The following TBC1D2B variants were observed in gnomAD, a reference collection of about 807,000 sequenced individuals.
The protein encoded by TBC1D2B is TBC1 domain family member 2B.
Under a neutral mutation model 100.8 loss-of-function variants are expected in TBC1D2B, and 64 were observed. That is an observed-to-expected ratio of 0.64 (90% CI 0.52 to 0.78). The LOEUF (loss-of-function observed/expected upper bound fraction) is 0.78, where lower values mean the gene tolerates loss of function less well. TBC1D2B is among the 30% of genes least tolerant of loss of function. TBC1D2B has a pLI of 0.00. For synonymous variants in TBC1D2B, 480 were observed against 479.7 expected, an observed-to-expected ratio of 1.00 and a Z score of -0.01; for missense variants, 1,052 against 1,218.4, an observed-to-expected ratio of 0.86 and a Z score of 2.03.
intron 3 of TBC1D2B, among the ~76,000 whole-genome samples, chr15:78,043,451 G>A (rs960651625): frequency 6.6e-6 from 1 of 152,050 alleles, no homozygotes; most frequent in Non-Finnish European, 1.5e-5. Flanking sequence ...CCAGGCTGGA[G>A]TGCAGTGATG....
At chr15:78,000,724 A>T (rs1164573603) in intron 12 of TBC1D2B, among the ~76,000 whole-genome samples, 1 of 152,226 alleles carries the variant, frequency 6.6e-6, no homozygotes, top group Non-Finnish European at 1.5e-5. Flanking sequence ...GCTGCAGTCC[A>T]GGGGACATAC....
chr15:78,018,760 G>C (rs886520654), intron 6 of TBC1D2B, among the ~76,000 whole-genome samples: 1 of 152,116 alleles, frequency 6.6e-6, no homozygotes, highest in Non-Finnish European at 1.5e-5. Flanking sequence ...ACCAAAAAGG[G>C]GGTGAAGTGT....
At chr15:78,040,675 A>G in intron 3 of TBC1D2B, among the ~76,000 whole-genome samples, 1 of 138,054 alleles carries the variant, frequency 7.2e-6, no homozygotes, top group Non-Finnish European at 1.6e-5. Flanking sequence ...AGAAAGAAAA[A>G]GAAAAGAAAG....
Position 78,073,249 on chromosome 15 carries a change from G to C in TBC1D2B, c.360+4044C>G, listed in dbSNP as rs577845635. 2.0e-5 allele frequency among the ~76,000 whole-genome samples: 3 copies of C among 152,262 alleles called. No individual in the cohort carries two copies. The South Asian group carries it at 6.2e-4, about 32-fold the overall frequency. On this transcript the variant is annotated intron_variant, in intron 1 of 12. Transcript: ENST00000300584. Reference sequence around the variant, plus strand: ...GTTTGGGAATAGAGGAGTTTCCCAAGAAATTCCTATATCAGCTTTCATTAA... The same window carrying C: ...GTTTGGGAATAGAGGAGTTTCCCAACAAATTCCTATATCAGCTTTCATTAA...
chr15:78,044,664 C>CAT (rs1353697992), intron 3 of TBC1D2B, among the ~76,000 whole-genome samples: 1 of 152,188 alleles, frequency 6.6e-6, no homozygotes, highest in Non-Finnish European at 1.5e-5. Flanking sequence ...ACCTACTTCA[C>CAT]AGAGTTGAGC....
At chr15:78,064,537 T>C (rs1036179917) in intron 1 of TBC1D2B, among the ~76,000 whole-genome samples, 5 of 152,224 alleles carry the variant, frequency 3.3e-5, no homozygotes, top group Admixed American at 3.3e-4. Flanking sequence ...TCAAGGAAGA[T>C]ATTTGGATCT....
At chr15:78,056,525 C>A (rs191085530) in intron 1 of TBC1D2B, among the ~76,000 whole-genome samples, 3 of 152,156 alleles carry the variant, frequency 2.0e-5, no homozygotes, top group Admixed American at 1.3e-4. Context: ...GGGAGGCAGG[C>A]TGGTTGCAGT....
chr15:78,007,463 G>T (rs2072097312), intron 10 of TBC1D2B, among the ~76,000 whole-genome samples: 1 of 152,228 alleles, frequency 6.6e-6, no homozygotes, highest in Non-Finnish European at 1.5e-5. Flanking sequence ...AGGGATACAG[G>T]GGAAGGAGGC....
intron 7 of TBC1D2B, 158 bp from the exon 8 acceptor site, chr15:78,016,897 C>T (rs559689068): frequency 5.0e-6 from 3 of 604,416 alleles, no homozygotes; most frequent in Non-Finnish European, 2.8e-6. Flanking sequence ...TGCCACAGAC[C>T]ACCTTTCATG....
intron 3 of TBC1D2B, among the ~76,000 whole-genome samples, chr15:78,033,741 G>A (rs1022163880): frequency 6.6e-6 from 1 of 152,060 alleles, no homozygotes; most frequent in African/African-American, 2.4e-5. Flanking sequence ...TTTCTGAGGT[G>A]GATTAAAGGA....
chr15:78,001,060 C>T (rs1386442807), intron 12 of TBC1D2B, among the ~76,000 whole-genome samples: 1 of 152,246 alleles, frequency 6.6e-6, no homozygotes, highest in Non-Finnish European at 1.5e-5. Context: ...TGCTATGGCC[C>T]AGCCACACTG....
chr15:78,024,385 C>T lies in TBC1D2B; in HGVS notation c.1241G>A (p.Arg414Lys), dbSNP rs1050910305. ...AAGACTCTCCTTCTCCAAGCTGAACCTCTCCAGCTGGCTGGTAAGGCCCAG... is the reference window on the plus strand; with the variant it reads ...AAGACTCTCCTTCTCCAAGCTGAACTTCTCCAGCTGGCTGGTAAGGCCCAG... ...QILGLTSQLE[R>K]FSLEKESLQQ... Residue 414 changes from arginine (R) to lysine (K), a missense_variant, in exon 6 of 13, where the codon AGG becomes AAG. By Grantham distance (26) the Arg-to-Lys change is conservative (BLOSUM62 2). Transcript: ENST00000300584. The T allele has an allele frequency of 1.9e-6, 3 of 1,613,940 alleles. No homozygotes were observed. The highest frequency in any genetic ancestry group is 1.7e-5 in the Admixed American group (1 of 60,008).
intron 2 of TBC1D2B, among the ~76,000 whole-genome samples, chr15:78,047,075 T>C (rs750039437): frequency 6.6e-6 from 1 of 152,044 alleles, no homozygotes; most frequent in Non-Finnish European, 1.5e-5. Flanking sequence ...GGAGAGTCAA[T>C]GCATGGCTTA....
At chr15:78,026,392 T>G (rs2072669931) in intron 4 of TBC1D2B, among the ~76,000 whole-genome samples, 1 of 152,168 alleles carries the variant, frequency 6.6e-6, no homozygotes, top group South Asian at 2.1e-4. Flanking sequence ...TCCCTCACCC[T>G]TGCCCTCTCT....
intron 12 of TBC1D2B, among the ~76,000 whole-genome samples, chr15:77,999,785 C>A (rs767463576): frequency 6.6e-5 from 10 of 152,230 alleles, no homozygotes; most frequent in Non-Finnish European, 1.2e-4. Flanking sequence ...TCGGCCCAGG[C>A]TGGCACCCGG....
intron 9 of TBC1D2B, 122 bp downstream of exon 9, chr15:78,012,701 A>T: frequency 9.1e-7 from 1 of 1,104,416 alleles, no homozygotes; most frequent in Non-Finnish European, 1.2e-6. Flanking sequence ...TGCTGCAACT[A>T]CTTTTTTCTC....
chr15:78,067,731 C>G (rs2073681712), intron 1 of TBC1D2B, among the ~76,000 whole-genome samples: 1 of 152,230 alleles, frequency 6.6e-6, no homozygotes, highest in Non-Finnish European at 1.5e-5. Flanking sequence ...ATCCCCACTT[C>G]TCACACTGGA....
rs557795782 is a variant in TBC1D2B, at chr15:77,995,704, T to C, written c.*2456A>G. On this transcript the variant is annotated 3_prime_UTR_variant, in exon 13 of 13. Coordinates refer to ENST00000300584, the MANE Select transcript of TBC1D2B (RefSeq NM_144572.2). Reference sequence around the variant, plus strand: ...AAAAGTTGGCAATTCCTAGCAGGTGTTGGGAGGGAGCTCCCCTCGGTCCTG... The same window carrying C: ...AAAAGTTGGCAATTCCTAGCAGGTGCTGGGAGGGAGCTCCCCTCGGTCCTG... The C allele has an allele frequency of 6.6e-6, 1 of 152,610 alleles. No individual in the cohort carries two copies. The highest frequency in any genetic ancestry group is 2.4e-5 in the African/African-American group (1 of 41,580). The allele number at this position is 152,610 out of a possible 1,614,324, so 9.5% of individuals were successfully genotyped here.
chr15:78,025,194 G>A lies in TBC1D2B; in HGVS notation c.1086+65C>T. 3.6e-6 allele frequency: 5 copies of A among 1,395,242 alleles called. No homozygotes were observed. In the South Asian group the frequency reaches 3.6e-5, roughly 10 times the overall value. 86.4% of individuals were successfully genotyped at this position (1,395,242 alleles called of 1,614,324 possible). A position where few individuals can be genotyped will look rare whatever the true frequency, so the allele number is the denominator to read the frequency against. The stretch of plus-strand genomic sequence containing the variant: ...AAAGACTCAGGGAAACATAAATTGG[G>A]CTTTACTCCTCCCGTCCTTGGCCTG... On this transcript the variant is annotated intron_variant, in intron 5 of 12. Coordinates refer to ENST00000300584, the MANE Select transcript of TBC1D2B (RefSeq NM_144572.2).
Sources: gnomAD v4.1 joint callset for allele counts (sites outside exome capture counted in the v4.1 genomes callset) on GRCh38, gnomAD v4.1.1 for gene constraint, MANE v1.5 for transcripts, NCBI Gene and HGNC (gene_info 2026-07-23, HGNC 2026-07-21) for gene names.